Variants in FREM1 observed in about 807,000 individuals in gnomAD.
FREM1 encodes FRAS1 related extracellular matrix 1, also known as FRAS1-related extracellular matrix protein 1.
In FREM1, 220 loss-of-function variants were observed where a neutral mutation model predicts 210.1. That is an observed-to-expected ratio of 1.05 (90% CI 0.94 to 1.17). The LOEUF (loss-of-function observed/expected upper bound fraction) is 1.17. Ranked by LOEUF, FREM1 falls within the 50% of genes most tolerant of loss-of-function variation. The probability of loss-of-function intolerance (pLI) is 0.00; values close to 1 mark genes in which losing one functional copy is unlikely to be tolerated. For synonymous variants in FREM1, 1,189 were observed against 980.2 expected (o/e 1.21, Z -3.98); for missense variants, 3,454 against 2,675.5 (o/e 1.29, Z -6.42).
rs1321733068 is a variant in FREM1 at position 14,776,171 on chromosome 9, T to G, written c.4475A>C (p.His1492Pro). The change falls in exon 25 of 37, where the codon CAC becomes CCC. Residue 1492 changes from histidine (H) to proline (P), a missense_variant. Transcript: ENST00000380880. ...FIISNGLRTE[H>P]GVFEITLETV... ...CTCCAGTGTGATCTCAAACACCCCGTGCTCGGTCCGCAGTCCATTGCTGAT... is the reference window on the plus strand; with the variant it reads ...CTCCAGTGTGATCTCAAACACCCCGGGCTCGGTCCGCAGTCCATTGCTGAT... The G allele has an allele frequency of 6.5e-7, 1 of 1,540,088 alleles. No homozygotes were observed. The highest frequency in any genetic ancestry group is 8.7e-7 in the Non-Finnish European group (1 of 1,143,348).
intron 25 of FREM1, among the ~76,000 whole-genome samples, chr9:14,774,374 G>T (rs558038611): frequency 6.6e-6 from 1 of 152,168 alleles, no homozygotes; most frequent in Non-Finnish European, 1.5e-5. Context: ...AAGGAATGTT[G>T]CCTCCAGACT....
Position 14,851,599 on chromosome 9 carries a change from A to G in FREM1, c.837T>C (p.Ser279=). Residue 279 remains serine, a synonymous_variant, in exon 6 of 37, where the codon AGT becomes AGC. Coordinates refer to ENST00000380880, the MANE Select transcript of FREM1 (RefSeq NM_001379081.2). ...TRSKIVYKSE[S]AWLPVYIRAG... is the part of the protein sequence containing the mutation. ...CTCTGATATAGACAGGCAGCCACGC[A>G]CTCTCTGACTTTTGAAGGATAGAGA... The G allele has an allele frequency of 1.2e-6, 2 of 1,612,336 alleles. No homozygotes were observed. The highest frequency in any genetic ancestry group is 2.2e-5 in the South Asian group (2 of 91,038).
chr9:14,792,710 A>C, intron 22 of FREM1, 33 bp downstream of exon 22: 1 of 1,533,714 alleles, frequency 6.5e-7, no homozygotes, highest in Non-Finnish European at 8.8e-7. Flanking sequence ...CTGCTACGTT[A>C]GTTTTGAAAA....
intron 19 of FREM1, among the ~76,000 whole-genome samples, chr9:14,804,365 C>A (rs1300021216): frequency 6.6e-6 from 1 of 152,138 alleles, no homozygotes; most frequent in Non-Finnish European, 1.5e-5. Flanking sequence ...GCGGGCGGAT[C>A]ACGAGGTCAG....
chr9:14,837,645 G>A (rs989044729), intron 10 of FREM1, among the ~76,000 whole-genome samples: 2 of 152,072 alleles, frequency 1.3e-5, no homozygotes, highest in African/African-American at 4.8e-5. Context: ...ATTAAGTGGA[G>A]CCTCACTGAT....
In FREM1 at chr9:14,748,541, T is replaced by A; in HGVS notation, c.5656A>T (p.Thr1886Ser). The stretch of plus-strand genomic sequence containing the variant: ...CTTTCCAGATGAAAGGAACCAGAAG[T>A]GGTGGATGAGGAAGACCCTGGGGGC... ...LLPPGSSSST[T>S]SGSFHLERRP... Residue 1886 changes from threonine to serine, a missense_variant, in exon 31 of 37, where the codon ACT (threonine) becomes TCT (serine). Thr to Ser is a moderately conservative substitution (Grantham distance 58). Coordinates refer to ENST00000380880, the MANE Select transcript of FREM1 (RefSeq NM_001379081.2). 1 of 1,613,708 alleles carries A rather than the reference T, an allele frequency of 6.2e-7. No homozygotes were observed. The highest frequency in any genetic ancestry group is 2.2e-5 in the East Asian group (1 of 44,870).
At chr9:14,824,347 G>C (rs566804504) in intron 11 of FREM1, among the ~76,000 whole-genome samples, 2 of 152,260 alleles carry the variant, frequency 1.3e-5, no homozygotes, top group East Asian at 3.9e-4. Context: ...CATCATGTAA[G>C]GGAATTGTTA....
chr9:14,802,869 C>T (rs1817551423), intron 19 of FREM1, among the ~76,000 whole-genome samples: 1 of 152,100 alleles, frequency 6.6e-6, no homozygotes, highest in South Asian at 2.1e-4. Flanking sequence ...GCTAGATATT[C>T]ATAAACAAGA....
At position 14,836,096 on chromosome 9, in the gene FREM1, T is replaced by G. The variant is rs183648820; in HGVS notation, c.1881+5351A>C. ...GCCCATAACTCTGAGCTTTCTTTGT[T>G]TGGGAAAATAAAACCAAGGAACTTC... On this transcript the variant is annotated intron_variant, in intron 10 of 36. Transcript: ENST00000380880. This position sits in a 1 kb window ranked among gnomAD's most constrained non-coding sequence, Gnocchi z 4.9. 3.5e-3 allele frequency among the ~76,000 whole-genome samples: 527 copies of G among 152,322 alleles called. 1 individual carries two copies. Among genetic ancestry groups the G allele is most frequent in the Middle Eastern group, 0.014 (4 of 294 alleles).
chr9:14,821,680 T>C (rs1209609337), intron 13 of FREM1, among the ~76,000 whole-genome samples: 1 of 152,212 alleles, frequency 6.6e-6, no homozygotes, highest in Non-Finnish European at 1.5e-5. Context: ...CTACCAAAGA[T>C]GGCAAGTCCA....
At chr9:14,802,271 G>C (rs1002334662) in intron 19 of FREM1, among the ~76,000 whole-genome samples, 5 of 152,136 alleles carry the variant, frequency 3.3e-5, no homozygotes, top group African/African-American at 1.2e-4. Context: ...CAATCCTCGT[G>C]GATCTCCTTG....
chr9:14,875,271 T>C (rs958578534), intron 1 of FREM1, among the ~76,000 whole-genome samples: 1 of 152,240 alleles, frequency 6.6e-6, no homozygotes, highest in Non-Finnish European at 1.5e-5. Context: ...GTTTTCCAAC[T>C]TGGTTCCATT....
chr9:14,889,213 G>A lies in FREM1; in HGVS notation c.-267-19969C>T, dbSNP rs370322916. ...CCAGATGTGGAATTGTAAAGCTGAA[G>A]GGTGAGAACTTACTCTGAGGCTCTT... On this transcript the variant is annotated intron_variant, in intron 1 of 36. Transcript: ENST00000380880. 5.3e-5 allele frequency among the ~76,000 whole-genome samples: 8 copies of A among 152,274 alleles called. No individual in the cohort carries two copies. The East Asian group carries it at 1.2e-3, about 22-fold the overall frequency.
At position 14,775,852 on chromosome 9, in the gene FREM1, C is replaced by A. The variant is rs772847225; in HGVS notation, c.4794G>T (p.Gly1598=). The A allele has an allele frequency of 3.1e-6, 5 of 1,613,862 alleles. No homozygotes were observed. In the South Asian group the frequency reaches 4.4e-5, roughly 14 times the overall value. Residue 1598 remains glycine, a synonymous_variant, in exon 25 of 37, where the codon GGG becomes GGT. Transcript: ENST00000380880. ...TDCFTFMATD[G]TNQGFIVNGR... ...CATTCACAATAAAGCCTTGGTTTGT[C>A]CCATCTGTGGCCATGAAAGTAAAGC...
Position 14,797,009 on chromosome 9 carries a change from G to C in FREM1, c.3839+489C>G, listed in dbSNP as rs370745490. On this transcript the variant is annotated intron_variant, in intron 21 of 36. Coordinates refer to ENST00000380880, the MANE Select transcript of FREM1 (RefSeq NM_001379081.2). The stretch of plus-strand genomic sequence containing the variant: ...GTTGACCCATATGGAACACAGTAGA[G>C]AACTGGTGGACAAAAAAGTACCAAG... 4.6e-5 allele frequency among the ~76,000 whole-genome samples: 7 copies of C among 152,224 alleles called. No homozygotes were observed. The East Asian group carries it at 5.8e-4, about 13-fold the overall frequency.
chr9:14,886,800 A>T (rs1280009654), intron 1 of FREM1, among the ~76,000 whole-genome samples: 2 of 149,448 alleles, frequency 1.3e-5, no homozygotes, highest in African/African-American at 4.9e-5. Flanking sequence ...GGGGAGACTG[A>T]GATGGGAGGA....
intron 10 of FREM1, among the ~76,000 whole-genome samples, chr9:14,826,094 C>G (rs925626070): frequency 5.5e-5 from 7 of 126,330 alleles, no homozygotes; most frequent in African/African-American, 2.1e-4. Flanking sequence ...CACTCTTTCT[C>G]AACCTTTTTT....
At chr9:14,739,913 G>A (rs961704177) in intron 36 of FREM1, among the ~76,000 whole-genome samples, 1 of 152,036 alleles carries the variant, frequency 6.6e-6, no homozygotes, top group Admixed American at 6.5e-5. Context: ...TCTCTTGCCT[G>A]TCAATCTGAC....
intron 5 of FREM1, among the ~76,000 whole-genome samples, chr9:14,851,974 T>C (rs1429730915): frequency 2.6e-5 from 4 of 152,186 alleles, no homozygotes; most frequent in Admixed American, 6.5e-5. Context: ...GTTACTTAAC[T>C]CTTCAGTCTC....
Sources: gnomAD v4.1 joint callset for allele counts (sites outside exome capture counted in the v4.1 genomes callset) on GRCh38, gnomAD v4.1.1 for gene constraint, Gnocchi (gnomAD v3.1) non-coding constraint, MANE v1.5 for transcripts, NCBI Gene and HGNC (gene_info 2026-07-23, HGNC 2026-07-21) for gene names.